Variants in MCTP2 observed in about 807,000 individuals in gnomAD.
The protein encoded by MCTP2 is multiple C2 and transmembrane domain containing 2, also known as multiple C2 and transmembrane domain-containing protein 2.
A neutral mutation model predicts 111.6 loss-of-function variants in MCTP2; 132 were observed. That is an observed-to-expected ratio of 1.18 (90% CI 1.03 to 1.37). MCTP2 has a LOEUF of 1.37. Among genes scored for constraint, MCTP2 ranks in the 40% most tolerant of loss-of-function variants. MCTP2 has a pLI of 0.00. For synonymous variants in MCTP2, 395 were observed against 387.7 expected, an observed-to-expected ratio of 1.02 and a Z score of -0.22; for missense variants, 1,183 against 1,067.9, an observed-to-expected ratio of 1.11 and a Z score of -1.50.
At chr15:94,382,626 C>T (rs993096756) in intron 12 of MCTP2, among the ~76,000 whole-genome samples, 3 of 152,248 alleles carry the variant, frequency 2.0e-5, no homozygotes, top group African/African-American at 7.2e-5. Context: ...TGTGCTGTAC[C>T]TCAGAGCGCC....
At chr15:94,259,726 C>T (rs953770474) in intron 1 of MCTP2, among the ~76,000 whole-genome samples, 5 of 152,192 alleles carry the variant, frequency 3.3e-5, no homozygotes, top group Non-Finnish European at 7.4e-5. Context: ...TACTTTGAAG[C>T]TTGTTGCCCT....
chr15:94,290,750 G>A (rs748141939), intron 1 of MCTP2, among the ~76,000 whole-genome samples: 57 of 152,194 alleles, frequency 3.7e-4, no homozygotes, highest in Non-Finnish European at 6.5e-4. Flanking sequence ...AAGTAAATTA[G>A]CATGGCTATG....
At chr15:94,327,780 A>G (rs2076947287) in intron 4 of MCTP2, among the ~76,000 whole-genome samples, 1 of 152,182 alleles carries the variant, frequency 6.6e-6, no homozygotes, top group African/African-American at 2.4e-5. Context: ...ATCACCGGAC[A>G]TGTTTGTCCC....
intron 19 of MCTP2, among the ~76,000 whole-genome samples, chr15:94,455,646 C>G (rs888005070): frequency 6.6e-6 from 1 of 150,978 alleles, no homozygotes; most frequent in South Asian, 2.1e-4. Context: ...AGAATGGTCT[C>G]CATCTCCTGA....
At chr15:94,297,964 C>T (rs890388943) in intron 1 of MCTP2, among the ~76,000 whole-genome samples, 4 of 150,202 alleles carry the variant, frequency 2.7e-5, no homozygotes, top group Middle Eastern at 3.4e-3. Context: ...TCATCTCATT[C>T]TTCGTTTTAA....
chr15:94,366,709 T>TA lies in MCTP2; in HGVS notation c.1302-887dup, dbSNP rs199970423. 1.6e-3 allele frequency among the ~76,000 whole-genome samples: 246 copies of TA among 151,176 alleles called. 4 individuals are homozygous for TA. In the East Asian group the frequency reaches 0.025, roughly 15 times the overall value. On this transcript the variant is annotated intron_variant, in intron 10 of 22. Transcript: ENST00000357742. The stretch of plus-strand genomic sequence containing the variant: ...TAATTATGGAGGGTAAAGGAGAATG[T>TA]AAAAAAAAATGACGTCTGGGAATAC...
chr15:94,325,812 A>ATTGTTTTTTTTTT (rs2076837646), intron 4 of MCTP2, among the ~76,000 whole-genome samples: 1 of 91,878 alleles, frequency 1.1e-5, no homozygotes, highest in African/African-American at 4.5e-5. Context: ...CATCGCTCCG[A>ATTGTTTTTTTTTT]TTTTTTTTTT....
intron 4 of MCTP2, among the ~76,000 whole-genome samples, chr15:94,316,726 T>C (rs2076393947): frequency 6.6e-6 from 1 of 152,232 alleles, no homozygotes; most frequent in South Asian, 2.1e-4. Context: ...GCCTCTTTTG[T>C]CCTTTAGAAG....
At position 94,454,613 on chromosome 15, in the gene MCTP2, A is replaced by C. The variant is rs116428034; in HGVS notation, c.2251-3524A>C. ...GGACTCTTTTGTGGAAAAAAAAAAA[A>C]CCCTAAATTATGGTCATAATCAGTT... On this transcript the variant is annotated intron_variant, in intron 19 of 22. Coordinates refer to ENST00000357742, the MANE Select transcript of MCTP2 (RefSeq NM_001385001.1). 4.8e-3 allele frequency among the ~76,000 whole-genome samples: 705 copies of C among 146,124 alleles called. 7 individuals are homozygous for C. Among genetic ancestry groups the C allele is most frequent in the African/African-American group, 0.017 (658 of 39,208 alleles).
At chr15:94,331,346 T>G (rs952575916) in intron 4 of MCTP2, among the ~76,000 whole-genome samples, 1 of 152,048 alleles carries the variant, frequency 6.6e-6, no homozygotes, top group Admixed American at 6.6e-5. Flanking sequence ...ACTGAATATG[T>G]CATAATTTAA....
At chr15:94,444,754 TATATC>T (rs2084021003) in intron 19 of MCTP2, among the ~76,000 whole-genome samples, 1 of 152,202 alleles carries the variant, frequency 6.6e-6, no homozygotes, top group African/African-American at 2.4e-5. Flanking sequence ...CATTTCTTAT[TATATC>T]ATAACATCAC....
intron 1 of MCTP2, among the ~76,000 whole-genome samples, chr15:94,258,330 T>A (rs2072966629): frequency 6.6e-6 from 1 of 152,204 alleles, no homozygotes; most frequent in African/African-American, 2.4e-5. Context: ...AGTTTGAATT[T>A]CTTTTCTAAT....
At chr15:94,336,793 G>A (rs915430857) in intron 4 of MCTP2, among the ~76,000 whole-genome samples, 1 of 151,690 alleles carries the variant, frequency 6.6e-6, no homozygotes, top group Non-Finnish European at 1.5e-5. Flanking sequence ...CTGTGTGTTT[G>A]GAATGGAGCA....
intron 14 of MCTP2, among the ~76,000 whole-genome samples, chr15:94,391,540 A>G (rs965154457): frequency 1.6e-4 from 25 of 152,214 alleles, no homozygotes; most frequent in African/African-American, 5.5e-4. Context: ...GGAGAGAGGG[A>G]TGTATCACCT....
At chr15:94,383,079 A>G (rs1259979344) in intron 12 of MCTP2, among the ~76,000 whole-genome samples, 1 of 152,140 alleles carries the variant, frequency 6.6e-6, no homozygotes, top group Admixed American at 6.5e-5. Flanking sequence ...AAAAACTCTG[A>G]CCTTTATTGA....
intron 14 of MCTP2, among the ~76,000 whole-genome samples, chr15:94,390,089 T>TATATATATATATATATATAC (rs1567602819): frequency 2.2e-4 from 3 of 13,606 alleles, no homozygotes; most frequent in African/African-American, 3.0e-4. Context: ...TATATATATA[T>TATATATATATATATATATAC]GTATATATAT....
At chr15:94,320,083 A>G (rs975581364) in intron 4 of MCTP2, among the ~76,000 whole-genome samples, 5 of 152,032 alleles carry the variant, frequency 3.3e-5, no homozygotes, top group Admixed American at 3.3e-4. Context: ...TGGGGAAATG[A>G]CTGATCTGCT....
chr15:94,290,311 G>A (rs868730590), intron 1 of MCTP2, among the ~76,000 whole-genome samples: 52 of 152,068 alleles, frequency 3.4e-4, no homozygotes, highest in African/African-American at 1.3e-3. Flanking sequence ...CAGGTGATCT[G>A]GTTTCTCTGT....
In MCTP2 at chr15:94,356,257, A is replaced by G. The variant is rs752243331; in HGVS notation, c.1126A>G (p.Met376Val). ...KNVSGGSMTEMFVQLKLGDQR... is the reference protein window; with the variant it reads ...KNVSGGSMTEVFVQLKLGDQR... Reference sequence around the variant, plus strand: ...TGTCTCAGGAGGAAGCATGACAGAGATGTTTGTCCAGTTAAAACTGGGAGA... The same window carrying G: ...TGTCTCAGGAGGAAGCATGACAGAGGTGTTTGTCCAGTTAAAACTGGGAGA... The change falls in exon 9 of 23, where the codon ATG (methionine) becomes GTG (valine). Residue 376 changes from methionine to valine, a missense_variant. Met to Val is a conservative substitution (Grantham distance 21, BLOSUM62 1). Coordinates refer to ENST00000357742, the MANE Select transcript of MCTP2 (RefSeq NM_001385001.1). 2 of 1,612,270 alleles carry G rather than the reference A, an allele frequency of 1.2e-6. No homozygotes were observed. The highest frequency in any genetic ancestry group is 2.2e-5 in the South Asian group (2 of 90,732).
Sources: gnomAD v4.1 joint callset for allele counts (sites outside exome capture counted in the v4.1 genomes callset) on GRCh38, gnomAD v4.1.1 for gene constraint, MANE v1.5 for transcripts, NCBI Gene and HGNC (gene_info 2026-07-23, HGNC 2026-07-21) for gene names.